ZNF451: variants seen among roughly 807,000 people sequenced by gnomAD.
ZNF451 encodes E3 SUMO-protein ligase ZNF451.
In ZNF451, 80 loss-of-function variants were observed where a neutral mutation model predicts 107.1. The ratio of observed to expected loss-of-function variants is 0.75; its 90% CI spans 0.62 to 0.90. The LOEUF (loss-of-function observed/expected upper bound fraction) is 0.90, where lower values mean the gene tolerates loss of function less well. Among genes scored for constraint, ZNF451 ranks in the 40% least tolerant of loss-of-function variants. The pLI is 0.00. For synonymous variants in ZNF451, 362 were observed against 406.5 expected, an observed-to-expected ratio of 0.89 and a Z score of 1.32; for missense variants, 1,107 against 1,236.2, an observed-to-expected ratio of 0.90 and a Z score of 1.57.
At chr6:57,152,064 G>A (rs887475374) in intron 11 of ZNF451, 157 bp from the exon 12 acceptor site, 6 of 571,590 alleles carry the variant, frequency 1.0e-5, no homozygotes, top group African/African-American at 1.9e-5. Context: ...AAAGCAACAA[G>A]ATGTTGATGC....
intron 13 of ZNF451, chr6:57,154,614 GTA>G (rs2127983976): frequency 6.5e-6 from 1 of 152,934 alleles, no homozygotes; most frequent in African/African-American, 2.4e-5. Flanking sequence ...TCACTTCCTA[GTA>G]TATAAGAAAA....
intron 3 of ZNF451, among the ~76,000 whole-genome samples, chr6:57,119,872 A>G (rs1161052142): frequency 1.3e-5 from 2 of 148,802 alleles, no homozygotes; most frequent in East Asian, 3.9e-4. Flanking sequence ...TTTTTTTGGT[A>G]GGTAAACAGT....
At chr6:57,154,400 T>A in intron 13 of ZNF451, 1 of 419,036 alleles carries the variant, frequency 2.4e-6, no homozygotes, top group Non-Finnish European at 4.2e-6. Context: ...ACCTTCAGTT[T>A]TTTAGAAAGC....
At position 57,148,187 on chromosome 6, in the gene ZNF451, C is replaced by A; in HGVS notation, c.2102C>A (p.Thr701Asn). The change falls in exon 10 of 15, where the codon ACT becomes AAT. Residue 701 changes from threonine to asparagine, a missense_variant. By Grantham distance (65) the Thr-to-Asn change is moderately conservative. Coordinates refer to ENST00000370706, the MANE Select transcript of ZNF451 (RefSeq NM_001031623.3). The part of the protein sequence containing the change: ...SIDYVFVSEK[T>N]ETSIKTEDDF... ...GATTATGTATTTGTGTCAGAAAAAA[C>A]TGAAACTTCAATTAAAACCGAAGAT... 2 of 1,614,020 alleles carry A rather than the reference C, an allele frequency of 1.2e-6. No homozygotes were observed. Among genetic ancestry groups the A allele is most frequent in the Non-Finnish European group, 1.7e-6 (2 of 1,179,960 alleles).
Position 57,163,436 on chromosome 6 carries a change from CTTTTTTTTTT to C in ZNF451, c.3139+2307_3139+2316del, listed in dbSNP as rs398001706. Reference sequence around the variant, plus strand: ...AATGGTTGCTTGTTAAATGAATAAACTTTTTTTTTTTTTTTTTTTTTTTTTTTTTTTTGAG... The same window carrying C: ...AATGGTTGCTTGTTAAATGAATAAACTTTTTTTTTTTTTTTTTTTTTTGAG... On this transcript the variant is annotated intron_variant, in intron 14 of 14. Coordinates refer to ENST00000370706, the MANE Select transcript of ZNF451 (RefSeq NM_001031623.3). 2.9e-3 allele frequency among the ~76,000 whole-genome samples: 87 copies of C among 30,340 alleles called. 1 individual carries two copies. The highest frequency in any genetic ancestry group is 7.7e-3 in the Admixed American group (14 of 1,816). 19.9% of individuals were successfully genotyped at this position (30,340 alleles called of 152,430 possible).
At chr6:57,126,200 G>T (rs1830921235) in intron 4 of ZNF451, among the ~76,000 whole-genome samples, 1 of 152,034 alleles carries the variant, frequency 6.6e-6, no homozygotes, top group Non-Finnish European at 1.5e-5. Context: ...TTACATTGAA[G>T]ATTTTTTTTG....
At position 57,147,873 on chromosome 6, in the gene ZNF451, C is replaced by G. The variant is rs547804547; in HGVS notation, c.1788C>G (p.Ser596=). Residue 596 remains serine (S), a synonymous_variant, in exon 10 of 15, where the codon TCC becomes TCG. Coordinates refer to ENST00000370706, the MANE Select transcript of ZNF451 (RefSeq NM_001031623.3). The part of the protein sequence containing the change: ...PSSAITVIDH[S]PANSSPRGKW... ...CAGCTATTACTGTTATTGATCATTC[C>G]CCGGCAAATAGTTCTCCGAGGGGTA... The G allele has an allele frequency of 1.7e-5, 27 of 1,614,072 alleles. No individual in the cohort carries two copies. In the South Asian group the frequency reaches 3.0e-4, roughly 18 times the overall value.
rs751911018 is a variant in ZNF451 at position 57,124,709 on chromosome 6, A to T, written c.187-25A>T. ...TCCAAATGCTAATTTTGTTAAAAGG[A>T]ATGAAAATTTTTTTCATGTTATAGG... On this transcript the variant is annotated intron_variant, in intron 3 of 14. Transcript: ENST00000370706. 3.3e-6 allele frequency: 5 copies of T among 1,502,978 alleles called. No individual in the cohort carries two copies. In the East Asian group the frequency reaches 9.1e-5, roughly 27 times the overall value. 93.1% of individuals were successfully genotyped at this position (1,502,978 alleles called of 1,614,324 possible).
intron 3 of ZNF451, chr6:57,116,341 C>G (rs1439918219): frequency 1.3e-5 from 2 of 152,280 alleles, no homozygotes; most frequent in Non-Finnish European, 2.9e-5. Flanking sequence ...CACTCGAGGT[C>G]AGGAGTTTGA....
intron 7 of ZNF451, among the ~76,000 whole-genome samples, chr6:57,138,044 G>T (rs974897819): frequency 6.6e-6 from 1 of 152,100 alleles, no homozygotes. Context: ...TGGCTGTTAC[G>T]AACAATGCTT....
chr6:57,107,912 C>G (rs898162566), intron 3 of ZNF451: 16 of 708,202 alleles, frequency 2.3e-5, no homozygotes, highest in South Asian at 1.9e-4. Context: ...GATCACGGCT[C>G]ACTGCAAGCT....
At chr6:57,166,467 G>A (rs1017282321) in intron 14 of ZNF451, among the ~76,000 whole-genome samples, 1 of 152,084 alleles carries the variant, frequency 6.6e-6, no homozygotes, top group Non-Finnish European at 1.5e-5. Flanking sequence ...TACAGCTATA[G>A]AGAAATATTT....
intron 3 of ZNF451, among the ~76,000 whole-genome samples, chr6:57,114,003 C>T (rs928124901): frequency 6.6e-6 from 1 of 152,188 alleles, no homozygotes; most frequent in South Asian, 2.1e-4. Flanking sequence ...TTTTCAGGAT[C>T]GAGAGTGAAT....
chr6:57,129,960 C>T (rs886697381), intron 5 of ZNF451, among the ~76,000 whole-genome samples: 1 of 152,098 alleles, frequency 6.6e-6, no homozygotes, highest in Non-Finnish European at 1.5e-5. Context: ...TTTGGTTGCT[C>T]AGCCATCTGT....
chr6:57,132,147 G>GA (rs1279506690), intron 5 of ZNF451, among the ~76,000 whole-genome samples: 1 of 152,160 alleles, frequency 6.6e-6, no homozygotes, highest in Non-Finnish European at 1.5e-5. Flanking sequence ...GTAGAAAGGG[G>GA]AGAGGTATCA....
rs551846160 is a variant in ZNF451 at position 57,141,185 on chromosome 6, T to C, written c.703-117T>C. 7 of 806,134 alleles carry C rather than the reference T, an allele frequency of 8.7e-6. No homozygotes were observed. In the South Asian group the frequency reaches 1.7e-4, roughly 20 times the overall value. 49.9% of individuals were successfully genotyped at this position (806,134 alleles called of 1,614,324 possible). A position where few individuals can be genotyped will look rare whatever the true frequency, so the allele number is the denominator to read the frequency against. ...ACTCAGGGAAGAACATCTTTCATGT[T>C]AAAAATTGATACAGGATATTGCGAA... is the stretch of plus-strand genomic sequence containing the variant. On this transcript the variant is annotated intron_variant, in intron 7 of 14. Transcript: ENST00000370706.
At position 57,148,303 on chromosome 6, in the gene ZNF451, A is replaced by G; in HGVS notation, c.2218A>G (p.Arg740Gly). Residue 740 changes from arginine to glycine, a missense_variant, in exon 10 of 15, where the codon AGA becomes GGA. Physicochemically the swap from Arg to Gly is moderately radical, Grantham distance 125. Coordinates refer to ENST00000370706, the MANE Select transcript of ZNF451 (RefSeq NM_001031623.3). ...AGTCAACAGAAAAGAAGATTATAGC[A>G]GATGTCTCCAAATCATGCTGGATAA... ...CKVNRKEDYS[R>G]CLQIMLDKGK... 1.9e-6 allele frequency: 3 copies of G among 1,614,072 alleles called. No individual in the cohort carries two copies. The highest frequency in any genetic ancestry group is 2.5e-6 in the Non-Finnish European group (3 of 1,179,976).
Position 57,148,659 on chromosome 6 carries a change from A to G in ZNF451, c.2574A>G (p.Lys858=). The G allele has an allele frequency of 6.2e-7, 1 of 1,612,920 alleles. No homozygotes were observed. The change falls in exon 10 of 15, where the codon AAA becomes AAG. Residue 858 remains lysine, a synonymous_variant. Coordinates refer to ENST00000370706, the MANE Select transcript of ZNF451 (RefSeq NM_001031623.3). ...ATTCAAAAAGTTTAGACATGGAGAA[A>G]GGAGTTGAGAATGACCTAAGCTATC... The part of the protein sequence containing the change: ...INYSKSLDME[K]GVENDLSYQN...
chr6:57,124,455 A>T, intron 3 of ZNF451: 1 of 716,614 alleles, frequency 1.4e-6, no homozygotes, highest in East Asian at 2.7e-5. Context: ...TGATGACCCT[A>T]CCTCTCTGAC....
Sources: allele counts gnomAD v4.1 joint callset (sites outside exome capture counted in the v4.1 genomes callset), GRCh38; gene constraint gnomAD v4.1.1; transcripts MANE v1.5; gene names NCBI Gene and HGNC (gene_info 2026-07-23, HGNC 2026-07-21).